Variants in RARS2 observed in about 807,000 individuals in gnomAD.
RARS2 encodes the protein arginyl-tRNA synthetase 2, mitochondrial, also known as probable arginine--tRNA ligase, mitochondrial.
RARS2 carries 67 observed loss-of-function variants against 88.5 expected under a neutral mutation model. That is an observed-to-expected ratio of 0.76 (90% CI 0.62 to 0.93). RARS2 has a LOEUF of 0.93. Among genes scored for constraint, RARS2 ranks in the 40% least tolerant of loss-of-function variants. RARS2 has a pLI of 0.00. For synonymous variants in RARS2, 239 were observed against 230.3 expected (o/e 1.04, Z -0.34); for missense variants, 664 against 684.2 (o/e 0.97, Z 0.33).
chr6:87,553,651 C>T (rs1028921095), intron 5 of RARS2, among the ~76,000 whole-genome samples: 1 of 152,222 alleles, frequency 6.6e-6, no homozygotes, highest in African/African-American at 2.4e-5. Context: ...TTAACAATCC[C>T]TACACTAAGG....
At chr6:87,574,857 A>G (rs1363846396) in intron 1 of RARS2, among the ~76,000 whole-genome samples, 1 of 152,196 alleles carries the variant, frequency 6.6e-6, no homozygotes, top group Non-Finnish European at 1.5e-5. Flanking sequence ...ACATAACAGT[A>G]TAGTCATAAT....
intron 4 of RARS2, among the ~76,000 whole-genome samples, chr6:87,558,575 T>C (rs1303311073): frequency 2.6e-5 from 4 of 152,126 alleles, no homozygotes; most frequent in Admixed American, 6.5e-5. Flanking sequence ...ATATATACAA[T>C]GGTGGTCCCA....
At chr6:87,583,791 A>G (rs1484907131) in intron 1 of RARS2, among the ~76,000 whole-genome samples, 1 of 152,154 alleles carries the variant, frequency 6.6e-6, no homozygotes, top group African/African-American at 2.4e-5. Flanking sequence ...CAACTCTAGA[A>G]TTTTATAGCT....
intron 1 of RARS2, among the ~76,000 whole-genome samples, chr6:87,575,256 C>CAT (rs1453099287): frequency 1.4e-5 from 2 of 148,030 alleles, no homozygotes; most frequent in Non-Finnish European, 3.0e-5. Flanking sequence ...CACACACACA[C>CAT]ACACACACAC....
In RARS2 at chr6:87,522,114, G is replaced by A. The variant is rs572472047; in HGVS notation, c.975-590C>T. 5.3e-5 allele frequency among the ~76,000 whole-genome samples: 8 copies of A among 152,114 alleles called. No homozygotes were observed. The East Asian group carries it at 1.5e-3, about 29-fold the overall frequency. On this transcript the variant is annotated intron_variant, in intron 11 of 19. Transcript: ENST00000369536. ...TGGGAGGCTAAGGCGGGAGGTTCAC[G>A]AGGTCAGGAGTTTGAGACCAGCCTG...
chr6:87,569,620 A>T (rs1768998491), intron 1 of RARS2, 30 bp from the exon 2 acceptor site: 1 of 1,520,554 alleles, frequency 6.6e-7, no homozygotes, highest in South Asian at 1.1e-5. Flanking sequence ...AAACAGTGTA[A>T]GATTGTTCAC....
At chr6:87,573,723 C>T (rs992310220) in intron 1 of RARS2, among the ~76,000 whole-genome samples, 2 of 151,974 alleles carry the variant, frequency 1.3e-5, no homozygotes, top group African/African-American at 4.8e-5. Context: ...AGAAGACTTC[C>T]GGGATAAAGT....
intron 1 of RARS2, among the ~76,000 whole-genome samples, chr6:87,573,829 T>C: frequency 6.6e-6 from 1 of 152,058 alleles, no homozygotes; most frequent in East Asian, 1.9e-4. Context: ...GGTAGGTAGG[T>C]TGGTTCTCCA....
chr6:87,579,077 T>C (rs1772560091), intron 1 of RARS2, among the ~76,000 whole-genome samples: 1 of 149,462 alleles, frequency 6.7e-6, no homozygotes, highest in Non-Finnish European at 1.5e-5. Context: ...TGATGACACA[T>C]CTATACGGTA....
intron 8 of RARS2, among the ~76,000 whole-genome samples, chr6:87,532,293 C>T (rs1777779910): frequency 6.6e-6 from 1 of 152,174 alleles, no homozygotes; most frequent in Non-Finnish European, 1.5e-5. Flanking sequence ...GCAAGGTTGG[C>T]CACTGGCTGG....
Position 87,519,038 on chromosome 6 carries a change from T to TA in RARS2, c.1238-148dup, listed in dbSNP as rs1304311580. The TA allele has an allele frequency of 7.7e-6, 6 of 778,368 alleles. 1 individual carries two copies. The South Asian group carries it at 8.7e-5, about 11-fold the overall frequency. 48.2% of individuals were successfully genotyped at this position (778,368 alleles called of 1,614,324 possible). ...ATTACTTGCCTAATTTAGGCTATTT[T>TA]ACCTTTGATAATGACATTTCCCCTG... On this transcript the variant is annotated intron_variant, in intron 14 of 19. Coordinates refer to ENST00000369536, the MANE Select transcript of RARS2 (RefSeq NM_020320.5).
intron 5 of RARS2, among the ~76,000 whole-genome samples, chr6:87,553,623 T>A (rs1784977773): frequency 6.6e-6 from 1 of 152,180 alleles, no homozygotes; most frequent in Non-Finnish European, 1.5e-5. Flanking sequence ...AAACTGGATG[T>A]TGCCTATGGG....
intron 4 of RARS2, among the ~76,000 whole-genome samples, chr6:87,555,771 T>C (rs187114964): frequency 6.0e-4 from 91 of 152,244 alleles, no homozygotes; most frequent in Non-Finnish European, 7.2e-4. Flanking sequence ...TATGTAGGTA[T>C]TTTACAGAGA....
chr6:87,586,327 T>A (rs1308518433), intron 1 of RARS2, among the ~76,000 whole-genome samples: 1 of 152,236 alleles, frequency 6.6e-6, no homozygotes, highest in Non-Finnish European at 1.5e-5. Context: ...GTACATATCA[T>A]GCTTTCCAGA....
intron 1 of RARS2, among the ~76,000 whole-genome samples, chr6:87,578,446 T>TAAAATGAGCAGGCATTATTTTGCA (rs1772309501): frequency 6.6e-6 from 1 of 152,192 alleles, no homozygotes; most frequent in Non-Finnish European, 1.5e-5. Flanking sequence ...CTTAATTATT[T>TAAAATGAGCAGGCATTATTTTGCA]AAAATGAGCA....
At position 87,545,086 on chromosome 6, in the gene RARS2, A is replaced by C. The variant is rs1020826447; in HGVS notation, c.535+530T>G. ...CTCTTTATTAAAACCACAAAAGCCT[A>C]CATCAGGTCTTACTCTGGGGTTTCT... On this transcript the variant is annotated intron_variant, in intron 7 of 19. Coordinates refer to ENST00000369536, the MANE Select transcript of RARS2 (RefSeq NM_020320.5). Among the ~76,000 whole-genome samples, 6 of 152,196 alleles carry C rather than the reference A, an allele frequency of 3.9e-5. No homozygotes were observed. The South Asian group carries it at 8.3e-4, about 21-fold the overall frequency.
chr6:87,564,442 C>T (rs1767214588), intron 2 of RARS2: 2 of 534,756 alleles, frequency 3.7e-6, no homozygotes, highest in Non-Finnish European at 6.7e-6. Flanking sequence ...GGCGGATCAC[C>T]TGAGGTTGAG....
At chr6:87,536,729 T>A (rs1188605523) in intron 8 of RARS2, among the ~76,000 whole-genome samples, 1 of 152,046 alleles carries the variant, frequency 6.6e-6, no homozygotes, top group East Asian at 1.9e-4. Flanking sequence ...ATTGCAAATG[T>A]TTTCCTGAAT....
At chr6:87,547,865 C>T (rs1278039099) in intron 6 of RARS2, among the ~76,000 whole-genome samples, 1 of 152,032 alleles carries the variant, frequency 6.6e-6, no homozygotes, top group African/African-American at 2.4e-5. Flanking sequence ...GTCGCGAACT[C>T]CTGACCTTAA....
Sources: allele counts gnomAD v4.1 joint callset (sites outside exome capture counted in the v4.1 genomes callset), GRCh38; gene constraint gnomAD v4.1.1; transcripts MANE v1.5; gene names NCBI Gene and HGNC (gene_info 2026-07-23, HGNC 2026-07-21).